ADCY2: variants seen among roughly 807,000 people sequenced by gnomAD.
ADCY2 encodes adenylate cyclase type 2.
Under a neutral mutation model 125.2 loss-of-function variants are expected in ADCY2, and 31 were observed. That is an observed-to-expected ratio of 0.25 (90% CI 0.19 to 0.33). The LOEUF (loss-of-function observed/expected upper bound fraction) is 0.33, where lower values mean the gene tolerates loss of function less well. ADCY2 is among the 10% of genes least tolerant of loss of function. ADCY2 has a pLI of 1.00. For missense variants in ADCY2, 904 were observed against 1,418.2 expected (o/e 0.64, Z 5.82); for synonymous variants, 512 against 548.4 (o/e 0.93, Z 0.93).
At chr5:7,518,172 G>A (rs147899206) in intron 2 of ADCY2, among the ~76,000 whole-genome samples, 24 of 152,242 alleles carry the variant, frequency 1.6e-4, no homozygotes, top group African/African-American at 4.8e-4. Flanking sequence ...AGTCAGATTC[G>A]TTGGAGACCT....
chr5:7,776,193 T>TAAAAA (rs11332766), intron 18 of ADCY2, among the ~76,000 whole-genome samples: 2 of 91,552 alleles, frequency 2.2e-5, no homozygotes, highest in Admixed American at 1.3e-4. Context: ...GTGAGATCCT[T>TAAAAA]AAAAAAAAAA....
chr5:7,502,455 C>T lies in ADCY2; in HGVS notation c.409-18283C>T, dbSNP rs74607669. ...CCTTGAAGCCACCTCTTACTCCCAC[C>T]GTGGACCAGGACAGAGAGGCAGGCT... On this transcript the variant is annotated intron_variant, in intron 2 of 24. Transcript: ENST00000338316. Among the ~76,000 whole-genome samples the T allele has an allele frequency of 5.7e-4, 87 of 152,320 alleles. 2 individuals are homozygous for T. The East Asian group carries it at 0.013, about 23-fold the overall frequency.
At chr5:7,704,828 A>G (rs868315822) in intron 7 of ADCY2, among the ~76,000 whole-genome samples, 2 of 151,524 alleles carry the variant, frequency 1.3e-5, no homozygotes, top group South Asian at 4.2e-4. Flanking sequence ...CAGTGAGCCG[A>G]GATCACGCCA....
chr5:7,552,153 A>G (rs1735365441), intron 3 of ADCY2, among the ~76,000 whole-genome samples: 1 of 152,220 alleles, frequency 6.6e-6, no homozygotes, highest in Non-Finnish European at 1.5e-5. Flanking sequence ...TTCAGTGAAC[A>G]GAGCTTCCTA....
chr5:7,581,199 CAT>C (rs1382596965), intron 3 of ADCY2, among the ~76,000 whole-genome samples: 12 of 152,126 alleles, frequency 7.9e-5, no homozygotes, highest in African/African-American at 2.9e-4. Flanking sequence ...TTTAAAAACA[CAT>C]ATGGAAGTTT....
intron 2 of ADCY2, among the ~76,000 whole-genome samples, chr5:7,492,993 G>C (rs1171711840): frequency 1.3e-5 from 2 of 152,148 alleles, no homozygotes; most frequent in Non-Finnish European, 2.9e-5. Context: ...TTGCTCTTGT[G>C]CTCAGCCGGG....
At position 7,761,148 on chromosome 5, in the gene ADCY2, C is replaced by CTTTTTTTTTTTTT. The variant is rs367998018; in HGVS notation, c.2094+3569_2094+3581dup. Among the ~76,000 whole-genome samples, 254 of 88,144 alleles carry CTTTTTTTTTTTTT rather than the reference C, an allele frequency of 2.9e-3. 5 individuals carry two copies. Among genetic ancestry groups the CTTTTTTTTTTTTT allele is most frequent in the East Asian group, 9.5e-3 (27 of 2,856 alleles). The allele number at this position is 88,144 out of a possible 152,430, so 57.8% of individuals were successfully genotyped here. On this transcript the variant is annotated intron_variant, in intron 16 of 24. Transcript: ENST00000338316. The stretch of plus-strand genomic sequence containing the variant: ...ATCAAAATTTCTTTTCTTTTCTTTT[C>CTTTTTTTTTTTTT]TTTTTTTTTTTTTTTTTTTGAGATG...
intron 4 of ADCY2, among the ~76,000 whole-genome samples, chr5:7,630,707 C>T (rs1342331089): frequency 2.0e-5 from 3 of 151,898 alleles, no homozygotes; most frequent in Non-Finnish European, 4.4e-5. Flanking sequence ...TTCTTTGGCT[C>T]CTAGATCCTA....
intron 3 of ADCY2, among the ~76,000 whole-genome samples, chr5:7,526,668 A>G (rs1481139611): frequency 6.6e-6 from 1 of 152,244 alleles, no homozygotes; most frequent in African/African-American, 2.4e-5. Flanking sequence ...TTTTGAACAC[A>G]GCAATTATTA....
chr5:7,408,878 G>C (rs1739604059), intron 1 of ADCY2, among the ~76,000 whole-genome samples: 1 of 151,646 alleles, frequency 6.6e-6, no homozygotes, highest in Admixed American at 6.6e-5. Flanking sequence ...CCCATTACTG[G>C]GTATATACCC....
chr5:7,498,307 G>A (rs565469288), intron 2 of ADCY2, among the ~76,000 whole-genome samples: 1 of 138,478 alleles, frequency 7.2e-6, no homozygotes, highest in South Asian at 2.3e-4. Context: ...GGGGTGCAGT[G>A]GCACAATCTT....
chr5:7,777,232 G>A (rs1426130107), intron 18 of ADCY2, among the ~76,000 whole-genome samples: 1 of 152,138 alleles, frequency 6.6e-6, no homozygotes, highest in Non-Finnish European at 1.5e-5. Flanking sequence ...AAGGGGACAT[G>A]GCTTCTGTTG....
chr5:7,430,628 T>C (rs1416153917), intron 2 of ADCY2, among the ~76,000 whole-genome samples: 1 of 148,144 alleles, frequency 6.8e-6, no homozygotes, highest in Non-Finnish European at 1.5e-5. Flanking sequence ...GAATGCAGAG[T>C]TGGTTTAATA....
At chr5:7,766,901 T>A in intron 17 of ADCY2, 95 bp downstream of exon 17, 1 of 1,414,822 alleles carries the variant, frequency 7.1e-7, no homozygotes, top group South Asian at 1.8e-5. Flanking sequence ...TGTTCTAGAC[T>A]TTGCATTTCC....
At chr5:7,765,656 A>G (rs1743353414) in intron 16 of ADCY2, among the ~76,000 whole-genome samples, 1 of 152,226 alleles carries the variant, frequency 6.6e-6, no homozygotes, top group African/African-American at 2.4e-5. Context: ...CAATCCAGAG[A>G]AATAACTCCA....
intron 8 of ADCY2, 96 bp from the exon 9 acceptor site, chr5:7,707,610 A>T: frequency 6.9e-7 from 1 of 1,444,554 alleles, no homozygotes; most frequent in Non-Finnish European, 9.5e-7. Flanking sequence ...TAAGAACTTT[A>T]GTGGATAAAT....
rs185975779 is a variant in ADCY2, at chr5:7,784,730, T to C, written c.2469+281T>C. On this transcript the variant is annotated intron_variant, in intron 19 of 24. Coordinates refer to ENST00000338316, the MANE Select transcript of ADCY2 (RefSeq NM_020546.3). ...AATCTCAAAACAAATTTTGTAGTTT[T>C]TGTAAGCCTACAAAAGTGTTCCTTC... Among the ~76,000 whole-genome samples, 292 of 152,178 alleles carry C rather than the reference T, an allele frequency of 1.9e-3. 3 individuals carry two copies. Among genetic ancestry groups the C allele is most frequent in the African/African-American group, 6.9e-3 (286 of 41,524 alleles).
At chr5:7,615,047 A>G (rs1737704804) in intron 3 of ADCY2, among the ~76,000 whole-genome samples, 1 of 152,186 alleles carries the variant, frequency 6.6e-6, no homozygotes. Context: ...GGGAGCAGGC[A>G]CATCTTCACA....
chr5:7,579,836 C>G (rs1197847607), intron 3 of ADCY2, among the ~76,000 whole-genome samples: 1 of 152,122 alleles, frequency 6.6e-6, no homozygotes, highest in Non-Finnish European at 1.5e-5. Flanking sequence ...GTGGCTATAA[C>G]CACAGTATCA....
Sources: allele counts gnomAD v4.1 joint callset (sites outside exome capture counted in the v4.1 genomes callset), GRCh38; gene constraint gnomAD v4.1.1; transcripts MANE v1.5; gene names NCBI Gene and HGNC (gene_info 2026-07-23, HGNC 2026-07-21).